The following SCARB2 variants were observed in gnomAD, a reference collection of about 807,000 sequenced individuals.
SCARB2 encodes the protein scavenger receptor class B member 2.
A neutral mutation model predicts 58.6 loss-of-function variants in SCARB2; 29 were observed. That is an observed-to-expected ratio of 0.49 (90% CI 0.37 to 0.67). The LOEUF is 0.67. SCARB2 is among the 30% of genes least tolerant of loss of function. The pLI is 0.00. For synonymous variants in SCARB2, 195 were observed against 210.1 expected (o/e 0.93, Z 0.62); for missense variants, 488 against 578.5 (o/e 0.84, Z 1.60).
intron 10 of SCARB2, chr4:76,165,230 T>G (rs1731977199): frequency 6.6e-6 from 1 of 152,232 alleles, no homozygotes; most frequent in Non-Finnish European, 1.5e-5. Flanking sequence ...TGGTAAATAT[T>G]GCTTGAATTT....
At chr4:76,223,391 C>T (rs1733342559) in intron 1 of SCARB2, among the ~76,000 whole-genome samples, 1 of 152,074 alleles carries the variant, frequency 6.6e-6, no homozygotes, top group African/African-American at 2.4e-5. Context: ...TCCTACTTAG[C>T]CAGAAGTCTA....
At chr4:76,214,073 A>G, upstream of SCARB2, 2 of 348,696 alleles carry the variant, frequency 5.7e-6, no homozygotes, top group Middle Eastern at 1.0e-3. Context: ...CGCTCGCCCC[A>G]CCGAAATTGC....
chr4:76,164,171 C>T (rs1268314812), intron 10 of SCARB2: 1 of 152,182 alleles, frequency 6.6e-6, no homozygotes, highest in Non-Finnish European at 1.5e-5. Flanking sequence ...GAGCTTAATT[C>T]CATAGAAATA....
chr4:76,167,672 TCCC>T (rs57676252), intron 9 of SCARB2, among the ~76,000 whole-genome samples: 3 of 50,298 alleles, frequency 6.0e-5, no homozygotes, highest in African/African-American at 2.1e-4. Context: ...CCTCCCTCCC[TCCC>T]CCCCCCCGCT....
upstream of SCARB2, chr4:76,214,205 T>G: frequency 2.2e-6 from 1 of 454,144 alleles, no homozygotes; most frequent in South Asian, 1.6e-5. Context: ...GCTCGCAAGT[T>G]AGCGGGGACA....
intron 2 of SCARB2, among the ~76,000 whole-genome samples, chr4:76,187,584 A>AT (rs1732513976): frequency 6.6e-6 from 1 of 152,232 alleles, no homozygotes; most frequent in East Asian, 1.9e-4. Flanking sequence ...ATCCTATGCT[A>AT]TAACATTAGG....
chr4:76,227,060 C>G (rs140146655), intron 1 of SCARB2, among the ~76,000 whole-genome samples: 1 of 151,622 alleles, frequency 6.6e-6, no homozygotes, highest in Non-Finnish European at 1.5e-5. Flanking sequence ...TTCTTTTCTT[C>G]TGCTGGGTTT....
In SCARB2 at chr4:76,159,443, G is replaced by C. The variant is rs992426847; in HGVS notation, c.*2270C>G. The C allele has an allele frequency of 6.6e-6, 1 of 152,198 alleles. No individual in the cohort carries two copies. The highest frequency in any genetic ancestry group is 1.5e-5 in the Non-Finnish European group (1 of 68,070). 9.4% of individuals were successfully genotyped at this position (152,198 alleles called of 1,614,324 possible). On this transcript the variant is annotated 3_prime_UTR_variant, in exon 12 of 12. Coordinates refer to ENST00000264896, the MANE Select transcript of SCARB2 (RefSeq NM_005506.4). ...GTAACTATTAAGAATCATAAAACAG[G>C]CCAGGCCCGGTGGCTTACGCCTGTA...
rs141998031 is a variant in SCARB2, at chr4:76,168,254, C to T, written c.1187+149G>A. 185 of 721,354 alleles carry T rather than the reference C, an allele frequency of 2.6e-4. No individual in the cohort carries two copies. The African/African-American group carries it at 2.9e-3, about 11-fold the overall frequency. The allele number at this position is 721,354 out of a possible 1,614,324, so 44.7% of individuals were successfully genotyped here. ...ACAAGTAAATTCCAAGACCAAGGCA[C>T]CCATGAAAATGCTGATCATGCCCCA... is the stretch of plus-strand genomic sequence containing the variant. On this transcript the variant is annotated intron_variant, in intron 9 of 11. Coordinates refer to ENST00000264896, the MANE Select transcript of SCARB2 (RefSeq NM_005506.4).
intron 2 of SCARB2, chr4:76,192,846 CAAAAA>C (rs1472997924): frequency 6.6e-6 from 1 of 152,072 alleles, no homozygotes; most frequent in Non-Finnish European, 1.5e-5. Flanking sequence ...GACCCTGTCT[CAAAAA>C]CAAAACAAAA....
intron 2 of SCARB2, among the ~76,000 whole-genome samples, chr4:76,189,267 ATATT>A (rs1273248441): frequency 6.6e-6 from 1 of 152,226 alleles, no homozygotes; most frequent in Admixed American, 6.5e-5. Flanking sequence ...ATGGATGCAC[ATATT>A]TATTAGTCTG....
chr4:76,229,924 A>G (rs1289669654), intron 1 of SCARB2, among the ~76,000 whole-genome samples: 2 of 152,132 alleles, frequency 1.3e-5, no homozygotes, highest in Non-Finnish European at 1.5e-5. Context: ...GAGCAGGGTT[A>G]TTCTGTCATT....
intron 5 of SCARB2, 80 bp downstream of exon 5, chr4:76,176,356 AT>A (rs1578721012): frequency 4.2e-6 from 4 of 957,224 alleles, no homozygotes; most frequent in Admixed American, 2.0e-5. Flanking sequence ...GGCTAAACAC[AT>A]TTTTAAGCAA....
In SCARB2 at chr4:76,161,617, A is replaced by T; in HGVS notation, c.*96T>A. On this transcript the variant is annotated 3_prime_UTR_variant, in exon 12 of 12. Coordinates refer to ENST00000264896, the MANE Select transcript of SCARB2 (RefSeq NM_005506.4). ...GCGCCGTGTCTTTTTCCTTCTTTCA[A>T]CAGGCAACAAGCCTGCAAGGAGGTG... 4 of 1,327,504 alleles carry T rather than the reference A, an allele frequency of 3.0e-6. No homozygotes were observed. Among genetic ancestry groups the T allele is most frequent in the Admixed American group, 1.7e-5 (1 of 59,548 alleles). 82.2% of individuals were successfully genotyped at this position (1,327,504 alleles called of 1,614,324 possible).
At chr4:76,181,695 G>C (rs757069486) in intron 2 of SCARB2, among the ~76,000 whole-genome samples, 8 of 152,036 alleles carry the variant, frequency 5.3e-5, no homozygotes, top group Non-Finnish European at 8.8e-5. Flanking sequence ...CTCCCAAGTA[G>C]CTAGAAGTAC....
chr4:76,166,450 T>C (rs1047598443), intron 9 of SCARB2, 149 bp from the exon 10 acceptor site: 1 of 793,958 alleles, frequency 1.3e-6, no homozygotes, highest in Admixed American at 2.0e-5. Context: ...TTTGCAAACA[T>C]GTACCCCAAA....
rs561162957 is a variant in SCARB2 at position 76,209,471 on chromosome 4, C to A, written c.117+3956G>T. 4.6e-5 allele frequency among the ~76,000 whole-genome samples: 7 copies of A among 152,262 alleles called. No individual in the cohort carries two copies. In the East Asian group the frequency reaches 1.4e-3, roughly 29 times the overall value. ...GCAACCTCCGCCTCCCGGATTCAAG[C>A]GATTCTCCTGCCTCAGCCTCCCGAG... On this transcript the variant is annotated intron_variant, in intron 1 of 11. Coordinates refer to ENST00000264896, the MANE Select transcript of SCARB2 (RefSeq NM_005506.4).
intron 7 of SCARB2, among the ~76,000 whole-genome samples, chr4:76,170,682 T>C (rs960994268): frequency 2.0e-5 from 3 of 151,878 alleles, no homozygotes; most frequent in African/African-American, 7.3e-5. Context: ...CACACCCGGA[T>C]AATTTTTTTG....
At chr4:76,185,659 G>A (rs4859628) in intron 2 of SCARB2, among the ~76,000 whole-genome samples, 14,966 of 152,106 alleles carry the variant, frequency 0.098, 880 homozygotes, top group East Asian at 0.21. Context: ...AATTAACATC[G>A]GTATATCTAA....
Sources: allele counts gnomAD v4.1 joint callset (sites outside exome capture counted in the v4.1 genomes callset), GRCh38; gene constraint gnomAD v4.1.1; transcripts MANE v1.5; gene names NCBI Gene and HGNC (gene_info 2026-07-23, HGNC 2026-07-21).